The following RAD21L1 variants were observed in gnomAD, a reference collection of about 807,000 sequenced individuals.
RAD21L1 encodes the protein RAD21 cohesin complex component like 1.
A neutral mutation model predicts 69.0 loss-of-function variants in RAD21L1; 47 were observed. That is an observed-to-expected ratio of 0.68 (90% confidence interval 0.54 to 0.87). RAD21L1 has a LOEUF of 0.87. Ranked by LOEUF, RAD21L1 falls within the 40% of genes least tolerant of loss-of-function variation. The pLI, the probability that RAD21L1 is intolerant of heterozygous loss-of-function variation, is 0.00. For synonymous variants in RAD21L1, 177 were observed against 205.8 expected (o/e 0.86, Z 1.20); for missense variants, 583 against 647.6 (o/e 0.90, Z 1.08).
At position 1,239,339 on chromosome 20, in the gene RAD21L1, T is replaced by G; in HGVS notation, c.674T>G (p.Ile225Ser). The change falls in exon 7 of 14, where the codon ATC becomes AGC. Residue 225 changes from isoleucine (I) to serine (S), a missense_variant. Ile to Ser is a moderately radical substitution (Grantham distance 142, BLOSUM62 -2). Transcript: ENST00000683101. ...IDNLLQDDQN[I>S]LLEDMHLNRE... ...AATCTATTGCAAGATGATCAGAATA[T>G]CCTGTTAGAAGACATGCATTTGAAC... 1 of 1,547,472 alleles carries G rather than the reference T, an allele frequency of 6.5e-7. No individual in the cohort carries two copies. Among genetic ancestry groups the G allele is most frequent in the Non-Finnish European group, 8.7e-7 (1 of 1,143,330 alleles).
At chr20:1,243,298 C>T (rs1487587831) in intron 10 of RAD21L1, 102 bp downstream of exon 10, 7 of 588,288 alleles carry the variant, frequency 1.2e-5, no homozygotes, top group South Asian at 7.8e-5. Context: ...TCCATATTCT[C>T]AAGTATAAAT....
At position 1,255,757 on chromosome 20, in the gene RAD21L1, G is replaced by A. The variant is rs925111666; in HGVS notation, c.*1300G>A. 3.3e-5 allele frequency among the ~76,000 whole-genome samples: 5 copies of A among 151,962 alleles called. No individual in the cohort carries two copies. Among genetic ancestry groups the A allele is most frequent in the African/African-American group, 9.7e-5 (4 of 41,346 alleles). ...ACCCCCTTCCCCCATATAACATCTG[G>A]CAACCACTCTTCTCCATGACTACAC... On this transcript the variant is annotated 3_prime_UTR_variant, in exon 14 of 14. Coordinates refer to ENST00000683101, the MANE Select transcript of RAD21L1 (RefSeq NM_001384355.1).
chr20:1,249,962 C>T (rs2087793321), intron 13 of RAD21L1, among the ~76,000 whole-genome samples: 2 of 150,204 alleles, frequency 1.3e-5, no homozygotes, highest in South Asian at 2.1e-4. Context: ...CCCATTAACT[C>T]GTCATTTACA....
chr20:1,233,396 A>G (rs990375129), intron 4 of RAD21L1, among the ~76,000 whole-genome samples: 5 of 152,212 alleles, frequency 3.3e-5, no homozygotes, highest in African/African-American at 1.2e-4. Context: ...TAGGAACAGA[A>G]AAGGAGCAGG....
chr20:1,239,491 G>A (rs2087564540), intron 7 of RAD21L1, 84 bp downstream of exon 7: 1 of 703,954 alleles, frequency 1.4e-6, no homozygotes, highest in East Asian at 2.7e-5. Context: ...TAGCAATATA[G>A]TATAGTGAAA....
rs1568525982 is a variant in RAD21L1, at chr20:1,246,686, C to CA, written c.1401+387dup. Among the ~76,000 whole-genome samples the CA allele has an allele frequency of 6.6e-6, 1 of 151,996 alleles. No homozygotes were observed. On this transcript the variant is annotated intron_variant, in intron 12 of 13. Transcript: ENST00000683101. The surrounding 1 kb of genome is among the most constrained non-coding windows in gnomAD (Gnocchi z 4.6). The stretch of plus-strand genomic sequence containing the variant: ...GGCATTTGAAATTTTATCTTATTTA[C>CA]AAAAAACTTGTGGGCAATTTTTCCT...
chr20:1,254,133 C>T, intron 13 of RAD21L1, 136 bp from the exon 14 acceptor site: 1 of 591,024 alleles, frequency 1.7e-6, no homozygotes, highest in South Asian at 2.7e-5. Flanking sequence ...GAGTCATTTC[C>T]CTTTTTCCAT....
Position 1,242,861 on chromosome 20 carries a change from CT to C in RAD21L1, c.1083+18del. 1.4e-6 allele frequency: 2 copies of C among 1,478,608 alleles called. No individual in the cohort carries two copies. Among genetic ancestry groups the C allele is most frequent in the Non-Finnish European group, 1.9e-6 (2 of 1,080,604 alleles). The allele number at this position is 1,478,608 out of a possible 1,614,324, so 91.6% of individuals were successfully genotyped here. ...ACTGAAAATGGTAACGGTTCCTACC[CT>C]TCTACATGTGAGCAATGTCTGGTTA... On this transcript the variant is annotated intron_variant, in intron 9 of 13. Coordinates refer to ENST00000683101, the MANE Select transcript of RAD21L1 (RefSeq NM_001384355.1).
rs2122829358 is a variant in RAD21L1 at position 1,240,439 on chromosome 20, G to A, written c.856+5G>A. 2 of 1,535,802 alleles carry A rather than the reference G, an allele frequency of 1.3e-6. No individual in the cohort carries two copies. The highest frequency in any genetic ancestry group is 2.5e-5 in the South Asian group (2 of 79,762). On this transcript the variant is annotated splice_donor_5th_base_variant and intron_variant, in intron 8 of 13. Transcript: ENST00000683101. ...TTGATCCAATTGATATTTCAGGTCAGAGGCATTTACGGTTTTGTTTTAATT... is the reference window on the plus strand; with the variant it reads ...TTGATCCAATTGATATTTCAGGTCAAAGGCATTTACGGTTTTGTTTTAATT...
intron 4 of RAD21L1, among the ~76,000 whole-genome samples, chr20:1,232,514 A>G (rs1169044718): frequency 1.3e-5 from 2 of 152,238 alleles, no homozygotes; most frequent in Non-Finnish European, 2.9e-5. Context: ...GTAGCAGTCA[A>G]GTTACAGATA....
intron 8 of RAD21L1, among the ~76,000 whole-genome samples, chr20:1,242,053 T>C (rs2087618244): frequency 6.6e-6 from 1 of 152,154 alleles, no homozygotes; most frequent in African/African-American, 2.4e-5. Flanking sequence ...AACCTCCAAA[T>C]TGGTGGACTT....
At chr20:1,235,556 A>G (rs1012577799) in intron 5 of RAD21L1, among the ~76,000 whole-genome samples, 3 of 152,134 alleles carry the variant, frequency 2.0e-5, no homozygotes, top group African/African-American at 7.2e-5. Context: ...TTTCTGTAAA[A>G]CTTTCTGAAA....
intron 13 of RAD21L1, among the ~76,000 whole-genome samples, chr20:1,251,880 G>T (rs1260793796): frequency 1.3e-5 from 2 of 151,938 alleles, no homozygotes; most frequent in African/African-American, 4.8e-5. Flanking sequence ...TGATTAACAT[G>T]CAGTAAACTA....
chr20:1,234,541 A>G (rs1178113736), intron 5 of RAD21L1, among the ~76,000 whole-genome samples: 1 of 152,230 alleles, frequency 6.6e-6, no homozygotes, highest in African/African-American at 2.4e-5. Flanking sequence ...CAACATACAT[A>G]CAAGATTTTA....
chr20:1,239,830 A>G (rs937766682), intron 7 of RAD21L1, among the ~76,000 whole-genome samples: 19 of 152,240 alleles, frequency 1.2e-4, no homozygotes, highest in African/African-American at 4.1e-4. Flanking sequence ...AATTAAAAGT[A>G]CAATTAGCCC....
chr20:1,246,328 G>T lies in RAD21L1; in HGVS notation c.1401+23G>T. 8.0e-7 allele frequency: 1 copy of T among 1,254,874 alleles called. No homozygotes were observed. Among genetic ancestry groups the T allele is most frequent in the Non-Finnish European group, 1.1e-6 (1 of 923,554 alleles). 77.7% of individuals were successfully genotyped at this position (1,254,874 alleles called of 1,614,324 possible). A position where few individuals can be genotyped will look rare whatever the true frequency, so the allele number is the denominator to read the frequency against. On this transcript the variant is annotated intron_variant, in intron 12 of 13. Coordinates refer to ENST00000683101, the MANE Select transcript of RAD21L1 (RefSeq NM_001384355.1). The surrounding 1 kb of genome is among the most constrained non-coding windows in gnomAD (Gnocchi z 4.6). Reference sequence around the variant, plus strand: ...TTGGTAAATATATGTGTAGTCTTGGGGATGTTCTTAAAAACTTTATTCCTA... The same window carrying T: ...TTGGTAAATATATGTGTAGTCTTGGTGATGTTCTTAAAAACTTTATTCCTA...
chr20:1,243,636 A>G (rs1025293170), intron 10 of RAD21L1, among the ~76,000 whole-genome samples: 3 of 152,256 alleles, frequency 2.0e-5, no homozygotes, highest in African/African-American at 4.8e-5. Context: ...CACATGGAGT[A>G]TTAATAATCA....
intron 5 of RAD21L1, among the ~76,000 whole-genome samples, chr20:1,237,592 CT>C (rs1260820191): frequency 6.7e-6 from 1 of 150,268 alleles, no homozygotes; most frequent in African/African-American, 2.5e-5. Context: ...TAAGCCCATT[CT>C]TTAATATTTT....
At chr20:1,239,626 T>G (rs954271739) in intron 7 of RAD21L1, among the ~76,000 whole-genome samples, 2 of 152,198 alleles carry the variant, frequency 1.3e-5, no homozygotes, top group African/African-American at 2.4e-5. Flanking sequence ...ATGAGAGAAC[T>G]CTGCCAATAT....
Sources: gnomAD v4.1 joint callset for allele counts (sites outside exome capture counted in the v4.1 genomes callset) on GRCh38, gnomAD v4.1.1 for gene constraint, Gnocchi (gnomAD v3.1) non-coding constraint, MANE v1.5 for transcripts, NCBI Gene and HGNC (gene_info 2026-07-23, HGNC 2026-07-21) for gene names.